The following HIVEP3 variants were observed in gnomAD, a reference collection of about 807,000 sequenced individuals.
HIVEP3 encodes the protein transcription factor HIVEP3.
A neutral mutation model predicts 152.8 loss-of-function variants in HIVEP3; 49 were observed. The ratio of observed to expected loss-of-function variants is 0.32; its 90% CI spans 0.26 to 0.41. The LOEUF (loss-of-function observed/expected upper bound fraction) is 0.41, where lower values mean the gene tolerates loss of function less well. Among genes scored for constraint, HIVEP3 ranks in the 10% least tolerant of loss-of-function variants. The pLI is 1.00. For missense variants in HIVEP3, 2,790 were observed against 3,103.3 expected (o/e 0.90, Z 2.40); for synonymous variants, 1,269 against 1,289.0 (o/e 0.98, Z 0.33).
intron 1 of HIVEP3, among the ~76,000 whole-genome samples, chr1:41,709,853 C>T (rs1646487503): frequency 6.6e-6 from 1 of 152,180 alleles, no homozygotes; most frequent in Admixed American, 6.5e-5. Flanking sequence ...TCAATTGCAG[C>T]TTCTGCTGGC....
chr1:41,590,527 C>T (rs1259474590), intron 3 of HIVEP3, among the ~76,000 whole-genome samples: 1 of 152,216 alleles, frequency 6.6e-6, no homozygotes, highest in Non-Finnish European at 1.5e-5. Flanking sequence ...TGGACAAGAA[C>T]ATCACCCCAA....
chr1:41,605,068 G>A (rs1644798910), intron 3 of HIVEP3, among the ~76,000 whole-genome samples: 1 of 146,340 alleles, frequency 6.8e-6, no homozygotes, highest in African/African-American at 2.5e-5. Context: ...TCACGCCACA[G>A]CACTCCAGTC....
rs1324899018 is a variant in HIVEP3 at position 41,524,925 on chromosome 1, C to T, written c.5208-15G>A. On this transcript the variant is annotated splice_polypyrimidine_tract_variant and intron_variant, in intron 5 of 8. Coordinates refer to ENST00000372583, the MANE Select transcript of HIVEP3 (RefSeq NM_024503.5). ...TTGATTTGTACCTATGAGCAACAGG[C>T]GTCATAGTAAAGGGAAAAAAAAGGA... 7 of 1,604,792 alleles carry T rather than the reference C, an allele frequency of 4.4e-6. No individual in the cohort carries two copies. Among genetic ancestry groups the T allele is most frequent in the East Asian group, 2.2e-5 (1 of 44,722 alleles).
Position 41,583,523 on chromosome 1 carries a change from T to C in HIVEP3, c.1275A>G (p.Ile425Met), listed in dbSNP as rs1292696427. ...CTGTCAGCATGGCGGTCCGCTGTCC[T>C]ATTCGCCCACACTTGCCAAAGATGA... ...AEIIFGKCGR[I>M]GQRTAMLTAT... Residue 425 changes from isoleucine (I) to methionine (M), a missense_variant, in exon 4 of 9, where the codon ATA becomes ATG. Ile to Met is a conservative substitution (Grantham distance 10, BLOSUM62 1). Transcript: ENST00000372583. The surrounding 1 kb of genome is among the most constrained non-coding windows in gnomAD (Gnocchi z 6.9). 4 of 1,614,070 alleles carry C rather than the reference T, an allele frequency of 2.5e-6. No homozygotes were observed. Among genetic ancestry groups the C allele is most frequent in the Non-Finnish European group, 3.4e-6 (4 of 1,180,014 alleles).
At chr1:41,547,443 G>T (rs1488343450) in intron 5 of HIVEP3, among the ~76,000 whole-genome samples, 4 of 152,170 alleles carry the variant, frequency 2.6e-5, no homozygotes, top group Admixed American at 2.6e-4. Context: ...CCTGGGCTTT[G>T]AAGATGAAGA....
chr1:41,830,785 T>C (rs1445972014), intron 1 of HIVEP3, among the ~76,000 whole-genome samples: 4 of 152,112 alleles, frequency 2.6e-5, no homozygotes, highest in Non-Finnish European at 5.9e-5. Flanking sequence ...TACACATAGA[T>C]CCATCATCTC....
intron 1 of HIVEP3, among the ~76,000 whole-genome samples, chr1:41,889,822 C>T (rs763165723): frequency 1.3e-5 from 2 of 152,196 alleles, no homozygotes; most frequent in Non-Finnish European, 2.9e-5. Context: ...GGTTTGCAGT[C>T]TCCTTTATAC....
chr1:41,777,054 C>T (rs540168142), intron 1 of HIVEP3, among the ~76,000 whole-genome samples: 35 of 152,310 alleles, frequency 2.3e-4, no homozygotes, highest in Middle Eastern at 3.4e-3. Flanking sequence ...CCCTGGGTTA[C>T]TCCCCGAGTC....
chr1:41,786,572 T>C (rs895707449), intron 1 of HIVEP3, among the ~76,000 whole-genome samples: 2 of 152,222 alleles, frequency 1.3e-5, no homozygotes, highest in African/African-American at 4.8e-5. Flanking sequence ...TTCATTTATG[T>C]ACTGTCCCTG....
chr1:41,651,564 G>A (rs2124015666), intron 2 of HIVEP3, among the ~76,000 whole-genome samples: 1 of 152,310 alleles, frequency 6.6e-6, no homozygotes, highest in East Asian at 1.9e-4. Context: ...ACATATACAG[G>A]AGGATGTGTG....
At chr1:41,614,042 G>A (rs150118536) in intron 3 of HIVEP3, among the ~76,000 whole-genome samples, 462 of 152,304 alleles carry the variant, frequency 3.0e-3, no homozygotes, top group Non-Finnish European at 4.3e-3. Context: ...GTGAGATCAC[G>A]CAGGTTGGAG....
Position 41,660,202 on chromosome 1 carries a change from T to C in HIVEP3, c.-720-31255A>G, listed in dbSNP as rs867110009. The stretch of plus-strand genomic sequence containing the variant: ...GCACACACGTGTGTATGTGTGCATG[T>C]GTGAGAGATGACTGTGGTACCATTA... On this transcript the variant is annotated intron_variant, in intron 2 of 8. Coordinates refer to ENST00000372583, the MANE Select transcript of HIVEP3 (RefSeq NM_024503.5). Among the ~76,000 whole-genome samples the C allele has an allele frequency of 7.2e-5, 11 of 152,316 alleles. No individual in the cohort carries two copies. In the South Asian group the frequency reaches 1.9e-3, roughly 26 times the overall value.
chr1:41,750,366 G>A (rs777385157), intron 1 of HIVEP3, among the ~76,000 whole-genome samples: 12 of 152,230 alleles, frequency 7.9e-5, no homozygotes, highest in Non-Finnish European at 1.5e-4. Context: ...AGGAATGAAT[G>A]ACTGGAGTCC....
intron 2 of HIVEP3, among the ~76,000 whole-genome samples, chr1:41,698,355 C>A (rs1384715641): frequency 6.6e-6 from 1 of 152,158 alleles, no homozygotes; most frequent in Non-Finnish European, 1.5e-5. Flanking sequence ...CATCCCAGCA[C>A]CCAGCACAGA....
chr1:41,619,711 C>G (rs1645019457), intron 3 of HIVEP3, among the ~76,000 whole-genome samples: 1 of 152,058 alleles, frequency 6.6e-6, no homozygotes, highest in South Asian at 2.1e-4. Context: ...GAGGGAGAGC[C>G]AGGGCTCCAG....
chr1:41,527,067 C>T (rs528516161), intron 5 of HIVEP3, among the ~76,000 whole-genome samples: 1 of 129,002 alleles, frequency 7.8e-6, no homozygotes, highest in South Asian at 2.8e-4. Flanking sequence ...CACACCCTCA[C>T]ATGCTCATCC....
At position 41,592,186 on chromosome 1, in the gene HIVEP3, G is replaced by A. The variant is rs76029430; in HGVS notation, c.-521-6868C>T. Among the ~76,000 whole-genome samples the A allele has an allele frequency of 7.7e-3, 1,178 of 152,274 alleles. 13 individuals are homozygous for A. Among genetic ancestry groups the A allele is most frequent in the African/African-American group, 0.028 (1,143 of 41,542 alleles). On this transcript the variant is annotated intron_variant, in intron 3 of 8. Transcript: ENST00000372583. ...TTGGTCTGTGGGTTTCTTCCAGCAAGGGCAGATCAGGAGGCCTGGAGTCAC... is the reference window on the plus strand; with the variant it reads ...TTGGTCTGTGGGTTTCTTCCAGCAAAGGCAGATCAGGAGGCCTGGAGTCAC...
rs1429718179 is a variant in HIVEP3, at chr1:41,581,369, G to A, written c.3429C>T (p.Val1143=). Residue 1143 remains valine (V), a synonymous_variant, in exon 4 of 9, where the codon GTC becomes GTT. Transcript: ENST00000372583. This position sits in a 1 kb window ranked among gnomAD's most constrained non-coding sequence, Gnocchi z 4.5. The stretch of plus-strand genomic sequence containing the variant: ...CGAGATGCTGGAAGGAGAAAAGGGA[G>A]ACTGGTGGGGGCAGGTATGGCTTCT... ...LHEKPYLPPP[V]SLFSFQHLVQ... 1.2e-6 allele frequency: 2 copies of A among 1,613,166 alleles called. No homozygotes were observed. Among genetic ancestry groups the A allele is most frequent in the Non-Finnish European group, 8.5e-7 (1 of 1,179,702 alleles).
At chr1:41,769,960 TTTTGTTTG>T (rs1023392662) in intron 1 of HIVEP3, among the ~76,000 whole-genome samples, 2 of 152,018 alleles carry the variant, frequency 1.3e-5, no homozygotes, top group Admixed American at 1.3e-4. Flanking sequence ...TAAAATTGTT[TTTTGTTTG>T]TTTGTTTGTT....
Sources: gnomAD v4.1 joint callset for allele counts (sites outside exome capture counted in the v4.1 genomes callset) on GRCh38, gnomAD v4.1.1 for gene constraint, Gnocchi (gnomAD v3.1) non-coding constraint, MANE v1.5 for transcripts, NCBI Gene and HGNC (gene_info 2026-07-23, HGNC 2026-07-21) for gene names.